The following ELP4 variants were observed in gnomAD, a reference collection of about 807,000 sequenced individuals.
ELP4 encodes the protein elongator complex protein 4.
Under a neutral mutation model 48.9 loss-of-function variants are expected in ELP4, and 51 were observed. That is an observed-to-expected ratio of 1.04 (90% CI 0.83 to 1.32). The LOEUF (loss-of-function observed/expected upper bound fraction) is 1.32, where lower values mean the gene tolerates loss of function less well. Ranked by LOEUF, ELP4 falls within the 40% of genes most tolerant of loss-of-function variation. The probability of loss-of-function intolerance (pLI) is 0.00; values close to 1 mark genes in which losing one functional copy is unlikely to be tolerated. For synonymous variants in ELP4, 210 were observed against 189.2 expected (o/e 1.11, Z -0.90); for missense variants, 519 against 514.6 (o/e 1.01, Z -0.08).
At chr11:31,597,301 G>A (rs1160354439) in intron 4 of ELP4, among the ~76,000 whole-genome samples, 1 of 152,078 alleles carries the variant, frequency 6.6e-6, no homozygotes, top group Non-Finnish European at 1.5e-5. Context: ...CTATACATTT[G>A]TTTTAAAAAA....
At chr11:31,561,707 T>C (rs1261985842) in intron 3 of ELP4, among the ~76,000 whole-genome samples, 2 of 152,046 alleles carry the variant, frequency 1.3e-5, no homozygotes, top group African/African-American at 4.8e-5. Context: ...ACCTCCCAAA[T>C]TGCAAGGATT....
At chr11:31,557,819 A>G (rs1262667572) in intron 3 of ELP4, among the ~76,000 whole-genome samples, 2 of 152,108 alleles carry the variant, frequency 1.3e-5, no homozygotes, top group Non-Finnish European at 2.9e-5. Flanking sequence ...GACCGTTGGT[A>G]TCAGTCTTCT....
chr11:31,543,303 T>C (rs1455985244), intron 3 of ELP4, among the ~76,000 whole-genome samples: 1 of 151,786 alleles, frequency 6.6e-6, no homozygotes, highest in South Asian at 2.1e-4. Context: ...CCAAGTTTTG[T>C]TGTTGTTGTT....
At chr11:31,517,342 A>G (rs1956134101) in intron 1 of ELP4, among the ~76,000 whole-genome samples, 1 of 151,662 alleles carries the variant, frequency 6.6e-6, no homozygotes, top group Non-Finnish European at 1.5e-5. Flanking sequence ...GGGCCACCAC[A>G]TCTGGCTAAC....
rs553649031 is a variant in ELP4, at chr11:31,606,790, G to T, written c.653+2883G>T. On this transcript the variant is annotated intron_variant, in intron 5 of 9. Coordinates refer to ENST00000640961, the MANE Select transcript of ELP4 (RefSeq NM_019040.5). The stretch of plus-strand genomic sequence containing the variant: ...TAACAAGTATGTCCAAGCATAGTTT[G>T]GTTTCCTTACTAGAAAGACACTGCC... Among the ~76,000 whole-genome samples, 7 of 152,086 alleles carry T rather than the reference G, an allele frequency of 4.6e-5. No individual in the cohort carries two copies. In the South Asian group the frequency reaches 1.2e-3, roughly 27 times the overall value.
At chr11:31,553,386 G>A (rs1016587095) in intron 3 of ELP4, among the ~76,000 whole-genome samples, 10 of 151,976 alleles carry the variant, frequency 6.6e-5, no homozygotes, top group African/African-American at 2.4e-4. Context: ...AATTTGGGTG[G>A]GCCTCAGCCA....
At position 31,786,299 on chromosome 11, in the gene ELP4, AT is replaced by A. The variant is rs1948618058; in HGVS notation, c.*2776del. ...ATTCATTTGTTTAAGCCCATTATTA[AT>A]GTCATTTCTAAGACAGCATGTTACT... is the stretch of plus-strand genomic sequence containing the variant. On this transcript the variant is annotated 3_prime_UTR_variant, in exon 10 of 10. Transcript: ENST00000640961. 1 of 209,912 alleles carries A rather than the reference AT, an allele frequency of 4.8e-6. No individual in the cohort carries two copies. The highest frequency in any genetic ancestry group is 5.9e-5 in the Admixed American group (1 of 16,968). 13.0% of individuals were successfully genotyped at this position (209,912 alleles called of 1,614,324 possible).
chr11:31,771,793 C>T (rs935467184), intron 9 of ELP4, among the ~76,000 whole-genome samples: 6 of 152,198 alleles, frequency 3.9e-5, no homozygotes, highest in Admixed American at 1.3e-4. Context: ...TCCTGGCTAA[C>T]ACAGTGAAAC....
intron 9 of ELP4, among the ~76,000 whole-genome samples, chr11:31,749,814 AAGC>A (rs1947678982): frequency 6.6e-6 from 1 of 152,152 alleles, no homozygotes; most frequent in South Asian, 2.1e-4. Flanking sequence ...AGAGCCATTT[AAGC>A]AGCTTTATTC....
chr11:31,598,440 A>G (rs1043273690), intron 4 of ELP4, among the ~76,000 whole-genome samples: 4 of 149,560 alleles, frequency 2.7e-5, no homozygotes. Context: ...GTTACCTATT[A>G]ATTAAGGTTG....
chr11:31,604,124 CT>C (rs1957829211), intron 5 of ELP4, among the ~76,000 whole-genome samples: 1 of 151,730 alleles, frequency 6.6e-6, no homozygotes, highest in Non-Finnish European at 1.5e-5. Context: ...GCTGAAACCA[CT>C]ATTTCTCTAA....
At chr11:31,682,387 C>T (rs1307371070) in intron 9 of ELP4, among the ~76,000 whole-genome samples, 1 of 152,208 alleles carries the variant, frequency 6.6e-6, no homozygotes, top group Non-Finnish European at 1.5e-5. Context: ...ACTTCGGTCA[C>T]ACTTCCAGGA....
chr11:31,779,001 C>T (rs1241854312), intron 9 of ELP4, among the ~76,000 whole-genome samples: 5 of 151,956 alleles, frequency 3.3e-5, no homozygotes, highest in Admixed American at 2.0e-4. Context: ...GTGAGCTACC[C>T]CGTGCCTGGC....
intron 5 of ELP4, among the ~76,000 whole-genome samples, chr11:31,612,817 A>G (rs1319286873): frequency 6.6e-6 from 1 of 152,200 alleles, no homozygotes; most frequent in African/African-American, 2.4e-5. Context: ...ACAGCAACTT[A>G]AAAGGAGAAT....
intron 3 of ELP4, among the ~76,000 whole-genome samples, chr11:31,541,047 T>G (rs1956582834): frequency 6.6e-6 from 1 of 152,210 alleles, no homozygotes; most frequent in Admixed American, 6.5e-5. Flanking sequence ...TAATCTAAAG[T>G]CATTTTTCCA....
At chr11:31,545,726 G>T (rs1420778648) in intron 3 of ELP4, among the ~76,000 whole-genome samples, 1 of 152,114 alleles carries the variant, frequency 6.6e-6, no homozygotes, top group African/African-American at 2.4e-5. Flanking sequence ...GTTAAGGGCA[G>T]CCAGAGAGAA....
At chr11:31,761,507 G>A (rs1049811981) in intron 9 of ELP4, among the ~76,000 whole-genome samples, 14 of 152,032 alleles carry the variant, frequency 9.2e-5, no homozygotes, top group Non-Finnish European at 2.1e-4. Context: ...ATATATACCA[G>A]TAAGTATATA....
In ELP4 at chr11:31,783,986, T is replaced by C. The variant is rs1948435275; in HGVS notation, c.*462T>C. 6.6e-6 allele frequency: 1 copy of C among 152,336 alleles called. No homozygotes were observed. Among genetic ancestry groups the C allele is most frequent in the African/African-American group, 2.4e-5 (1 of 41,458 alleles). 9.4% of individuals were successfully genotyped at this position (152,336 alleles called of 1,614,324 possible). On this transcript the variant is annotated 3_prime_UTR_variant, in exon 10 of 10. Transcript: ENST00000640961. The stretch of plus-strand genomic sequence containing the variant: ...GTGTTTACTAATATATAAAATAAAT[T>C]TGCATTTATGTATCCAGTTATTAAA...
chr11:31,553,778 G>T (rs1956890057), intron 3 of ELP4, among the ~76,000 whole-genome samples: 1 of 146,292 alleles, frequency 6.8e-6, no homozygotes, highest in Admixed American at 6.8e-5. Flanking sequence ...TATTGGTTCA[G>T]TTTCTCTAGA....
Sources: gnomAD v4.1 joint callset for allele counts (sites outside exome capture counted in the v4.1 genomes callset) on GRCh38, gnomAD v4.1.1 for gene constraint, MANE v1.5 for transcripts, NCBI Gene and HGNC (gene_info 2026-07-23, HGNC 2026-07-21) for gene names.